Variants in SPAG16 observed in about 807,000 individuals in gnomAD.
SPAG16 encodes sperm associated antigen 16, also known as sperm-associated antigen 16 protein.
A neutral mutation model predicts 80.4 loss-of-function variants in SPAG16; 86 were observed. That is an observed-to-expected ratio of 1.07 (90% CI 0.90 to 1.28). The LOEUF (loss-of-function observed/expected upper bound fraction) is 1.28. Among genes scored for constraint, SPAG16 ranks in the 50% most tolerant of loss-of-function variants. The pLI is 0.00. For missense variants in SPAG16, 870 were observed against 765.3 expected, an observed-to-expected ratio of 1.14 and a Z score of -1.61; for synonymous variants, 294 against 265.9, an observed-to-expected ratio of 1.11 and a Z score of -1.03.
chr2:214,041,651 A>G (rs2049014449), intron 13 of SPAG16, among the ~76,000 whole-genome samples: 1 of 151,358 alleles, frequency 6.6e-6, no homozygotes, highest in East Asian at 1.9e-4. Flanking sequence ...TCACCATATA[A>G]TTTCCAAAGG....
intron 15 of SPAG16, among the ~76,000 whole-genome samples, chr2:214,236,783 G>C (rs1353574476): frequency 2.6e-5 from 4 of 152,072 alleles, no homozygotes; most frequent in African/African-American, 4.8e-5. Context: ...GTGTCTTCTG[G>C]ATTCAGATGA....
chr2:214,286,669 C>T (rs1301706230), intron 15 of SPAG16, among the ~76,000 whole-genome samples: 4 of 152,136 alleles, frequency 2.6e-5, no homozygotes, highest in African/African-American at 9.7e-5. Context: ...ATCACTTGAA[C>T]CCAAGAGGCA....
chr2:213,454,302 T>A (rs1245015773), intron 9 of SPAG16, among the ~76,000 whole-genome samples: 1 of 152,216 alleles, frequency 6.6e-6, no homozygotes, highest in Non-Finnish European at 1.5e-5. Context: ...GCAGTGTATA[T>A]TTCTTACCCA....
At chr2:213,438,038 A>T (rs1456805845) in intron 9 of SPAG16, among the ~76,000 whole-genome samples, 1 of 152,198 alleles carries the variant, frequency 6.6e-6, no homozygotes, top group East Asian at 1.9e-4. Context: ...GTTGCATCTG[A>T]GAGGTTCAGG....
intron 15 of SPAG16, among the ~76,000 whole-genome samples, chr2:214,405,224 G>T (rs1337962080): frequency 6.6e-6 from 1 of 151,930 alleles, no homozygotes; most frequent in African/African-American, 2.4e-5. Flanking sequence ...CTGGACTCCA[G>T]CAATCCTCTT....
intron 9 of SPAG16, among the ~76,000 whole-genome samples, chr2:213,378,706 G>A (rs1056912497): frequency 6.6e-6 from 1 of 152,190 alleles, no homozygotes; most frequent in African/African-American, 2.4e-5. Flanking sequence ...TTACTACCTT[G>A]TTCTATCTAT....
intron 11 of SPAG16, among the ~76,000 whole-genome samples, chr2:213,890,235 T>C (rs1246041406): frequency 6.6e-6 from 1 of 152,058 alleles, no homozygotes; most frequent in African/African-American, 2.4e-5. Context: ...ATCCAGAGAC[T>C]GTGTGAGGAA....
intron 15 of SPAG16, among the ~76,000 whole-genome samples, chr2:214,307,627 C>A (rs780495547): frequency 6.6e-6 from 1 of 152,058 alleles, no homozygotes; most frequent in Non-Finnish European, 1.5e-5. Context: ...AACTTCTTGA[C>A]TTCTATCTTA....
At chr2:213,889,077 G>T (rs1374954419) in intron 11 of SPAG16, among the ~76,000 whole-genome samples, 1 of 151,744 alleles carries the variant, frequency 6.6e-6, no homozygotes. Flanking sequence ...AAATGTCTTT[G>T]CATTAAACAT....
intron 10 of SPAG16, among the ~76,000 whole-genome samples, chr2:213,649,732 G>T (rs528494360): frequency 6.6e-6 from 1 of 152,020 alleles, no homozygotes; most frequent in Non-Finnish European, 1.5e-5. Flanking sequence ...ACACCACCAT[G>T]GTGGGCTAAT....
intron 10 of SPAG16, among the ~76,000 whole-genome samples, chr2:213,677,435 A>C (rs2064142389): frequency 6.6e-6 from 1 of 152,106 alleles, no homozygotes; most frequent in African/African-American, 2.4e-5. Context: ...CTACCAAGCA[A>C]ATGGAAAACA....
intron 11 of SPAG16, among the ~76,000 whole-genome samples, chr2:213,899,231 A>G (rs1005281467): frequency 2.6e-5 from 4 of 152,108 alleles, no homozygotes; most frequent in Admixed American, 1.3e-4. Flanking sequence ...AAAGGAGATG[A>G]ACGGAGTGTC....
chr2:214,187,721 A>G (rs1288055251), intron 15 of SPAG16, among the ~76,000 whole-genome samples: 1 of 137,520 alleles, frequency 7.3e-6, no homozygotes, highest in Non-Finnish European at 1.7e-5. Context: ...GCCTAACCAA[A>G]TCTTGGCTAT....
chr2:213,833,473 A>ATTATATATAATATAT (rs1431535446), intron 10 of SPAG16, among the ~76,000 whole-genome samples: 260 of 6,736 alleles, frequency 0.039, 50 homozygotes, highest in South Asian at 0.13. Context: ...TATTATATAT[A>ATTATATATAATATAT]ATAATATATA....
At chr2:214,186,447 A>T (rs953996886) in intron 15 of SPAG16, among the ~76,000 whole-genome samples, 7 of 152,150 alleles carry the variant, frequency 4.6e-5, no homozygotes, top group Non-Finnish European at 1.0e-4. Flanking sequence ...AAGAATGAGG[A>T]GTGAAGATGA....
chr2:214,307,502 T>C (rs1312021613), intron 15 of SPAG16, among the ~76,000 whole-genome samples: 2 of 152,110 alleles, frequency 1.3e-5, no homozygotes, highest in African/African-American at 4.8e-5. Flanking sequence ...TTGAGATCTT[T>C]CTTTCTAACT....
At chr2:214,194,475 A>G (rs539754566) in intron 15 of SPAG16, among the ~76,000 whole-genome samples, 10 of 152,250 alleles carry the variant, frequency 6.6e-5, no homozygotes, top group Admixed American at 2.0e-4. Flanking sequence ...TGGTACACAC[A>G]GTAAAACTTC....
At chr2:213,622,567 C>T (rs1192314954) in intron 10 of SPAG16, among the ~76,000 whole-genome samples, 1 of 152,192 alleles carries the variant, frequency 6.6e-6, no homozygotes, top group African/African-American at 2.4e-5. Context: ...GTGCGGTGAG[C>T]AGCAGGACCT....
chr2:213,476,856 A>G (rs1017299918), intron 9 of SPAG16, among the ~76,000 whole-genome samples: 2 of 152,092 alleles, frequency 1.3e-5, no homozygotes, highest in African/African-American at 4.8e-5. Flanking sequence ...TCATTCAAGC[A>G]GTTCAGAGAT....
Sources: gnomAD v4.1 joint callset for allele counts (sites outside exome capture counted in the v4.1 genomes callset) on GRCh38, gnomAD v4.1.1 for gene constraint, MANE v1.5 for transcripts, NCBI Gene and HGNC (gene_info 2026-07-23, HGNC 2026-07-21) for gene names.